BMP5: variants seen among roughly 807,000 people sequenced by gnomAD.
The protein encoded by BMP5 is bone morphogenetic protein 5.
A neutral mutation model predicts 46.6 loss-of-function variants in BMP5; 23 were observed. That is an observed-to-expected ratio of 0.49 (90% CI 0.35 to 0.70). The LOEUF (loss-of-function observed/expected upper bound fraction) is 0.70. Among genes scored for constraint, BMP5 ranks in the 30% least tolerant of loss-of-function variants. The pLI is 0.00. For missense variants in BMP5, 545 were observed against 565.6 expected (o/e 0.96, Z 0.37); for synonymous variants, 204 against 191.9 (o/e 1.06, Z -0.52).
intron 6 of BMP5, among the ~76,000 whole-genome samples, chr6:55,756,075 G>A (rs1417347963): frequency 6.6e-6 from 1 of 151,928 alleles, no homozygotes; most frequent in Non-Finnish European, 1.5e-5. Context: ...AAAACACATA[G>A]TTGCAGAAAG....
At chr6:55,797,790 A>G (rs983563909) in intron 2 of BMP5, among the ~76,000 whole-genome samples, 2 of 151,180 alleles carry the variant, frequency 1.3e-5, no homozygotes, top group South Asian at 4.2e-4. Flanking sequence ...CTAATTTTTT[A>G]TATTTTTAGT....
intron 2 of BMP5, among the ~76,000 whole-genome samples, chr6:55,798,489 G>A (rs1775769550): frequency 6.6e-6 from 1 of 151,984 alleles, no homozygotes; most frequent in Non-Finnish European, 1.5e-5. Flanking sequence ...ACTAAAATTT[G>A]CATTTTCTTT....
At chr6:55,836,308 G>A (rs112976875) in intron 1 of BMP5, among the ~76,000 whole-genome samples, 72 of 152,146 alleles carry the variant, frequency 4.7e-4, no homozygotes, top group African/African-American at 1.7e-3. Flanking sequence ...CAACAAAATT[G>A]TTAGCATTAA....
At position 55,766,084 on chromosome 6, in the gene BMP5, A is replaced by C. The variant is rs535992013; in HGVS notation, c.1028-5551T>G. ...TTTCATTTTTCCCCTCTGATCCTAT[A>C]TTAAATGGATCCACAAAGCCTCATT... On this transcript the variant is annotated intron_variant, in intron 4 of 6. Transcript: ENST00000370830. 3.3e-5 allele frequency among the ~76,000 whole-genome samples: 5 copies of C among 152,218 alleles called. No individual in the cohort carries two copies. The East Asian group carries it at 9.7e-4, about 30-fold the overall frequency.
At chr6:55,822,587 A>G (rs578132592) in intron 1 of BMP5, among the ~76,000 whole-genome samples, 3 of 152,252 alleles carry the variant, frequency 2.0e-5, no homozygotes, top group African/African-American at 7.2e-5. Context: ...TATATTTAAA[A>G]TTTTAACCAA....
intron 1 of BMP5, among the ~76,000 whole-genome samples, chr6:55,823,298 CA>C (rs1161626240): frequency 5.9e-5 from 9 of 151,982 alleles, no homozygotes; most frequent in African/African-American, 1.9e-4. Flanking sequence ...ATTTGATCAC[CA>C]AAAAGTATAT....
chr6:55,861,197 C>T (rs909669734), intron 1 of BMP5, among the ~76,000 whole-genome samples: 1 of 152,168 alleles, frequency 6.6e-6, no homozygotes, highest in African/African-American at 2.4e-5. Flanking sequence ...GTTCCTGCAG[C>T]CCAAACTTCC....
chr6:55,791,144 A>G (rs1305310469), intron 3 of BMP5, among the ~76,000 whole-genome samples: 1 of 151,766 alleles, frequency 6.6e-6, no homozygotes, highest in Non-Finnish European at 1.5e-5. Context: ...TCTGCTCTGA[A>G]GCAATGTCAC....
Position 55,819,813 on chromosome 6 carries a change from C to T in BMP5, c.525G>A (p.Arg175=), listed in dbSNP as rs752790238. 1.4e-5 allele frequency: 23 copies of T among 1,613,654 alleles called. No homozygotes were observed. Among genetic ancestry groups the T allele is most frequent in the Non-Finnish European group, 1.9e-5 (22 of 1,179,912 alleles). The change falls in exon 2 of 7, where the codon AGG becomes AGA. Residue 175 remains arginine, a synonymous_variant. Transcript: ENST00000370830. ...ERDKDFSHQR[R]HYKEFRFDLT... ...GATCAAATCGAAATTCTTTGTAATG[C>T]CTTCGCTGGTGAGAAAAATCCTTGT...
chr6:55,760,587 C>T (rs567548728), intron 4 of BMP5, 54 bp from the exon 5 acceptor site: 1 of 1,477,734 alleles, frequency 6.8e-7, no homozygotes, highest in Admixed American at 1.7e-5. Flanking sequence ...TATACTAATA[C>T]TTCTTTTGTG....
chr6:55,784,063 G>A (rs1300057046), intron 3 of BMP5, among the ~76,000 whole-genome samples: 1 of 151,740 alleles, frequency 6.6e-6, no homozygotes. Context: ...TAACCATATG[G>A]CTCTCATTCA....
intron 1 of BMP5, among the ~76,000 whole-genome samples, chr6:55,829,147 G>T (rs917154994): frequency 6.6e-6 from 1 of 151,768 alleles, no homozygotes; most frequent in African/African-American, 2.4e-5. Context: ...GTTTAGGCAA[G>T]AACTGCAAGT....
chr6:55,832,292 C>A (rs963984135), intron 1 of BMP5, among the ~76,000 whole-genome samples: 2 of 152,166 alleles, frequency 1.3e-5, no homozygotes, highest in African/African-American at 4.8e-5. Context: ...TCACAATGAG[C>A]CTGCAAACTG....
intron 3 of BMP5, among the ~76,000 whole-genome samples, chr6:55,785,466 A>G (rs1775424722): frequency 6.6e-6 from 1 of 151,826 alleles, no homozygotes; most frequent in Non-Finnish European, 1.5e-5. Context: ...ACTAAAGCAT[A>G]CAGGGAAGAT....
intron 1 of BMP5, among the ~76,000 whole-genome samples, chr6:55,861,067 T>C (rs527267841): frequency 6.6e-6 from 1 of 152,288 alleles, no homozygotes; most frequent in Admixed American, 6.5e-5. Context: ...TGGGATGTTA[T>C]TAAATATTAT....
chr6:55,760,183 TA>T (rs1443111725), intron 5 of BMP5, among the ~76,000 whole-genome samples: 3 of 152,022 alleles, frequency 2.0e-5, no homozygotes, highest in African/African-American at 7.2e-5. Flanking sequence ...TTGGAATACT[TA>T]AACAACGGCA....
chr6:55,761,592 C>T (rs1291846867), intron 4 of BMP5, among the ~76,000 whole-genome samples: 4 of 152,078 alleles, frequency 2.6e-5, no homozygotes, highest in African/African-American at 7.2e-5. Context: ...CCTTTTCTCT[C>T]ACTAGTCCCT....
At chr6:55,830,650 C>G (rs1435526219) in intron 1 of BMP5, among the ~76,000 whole-genome samples, 2 of 152,016 alleles carry the variant, frequency 1.3e-5, no homozygotes, top group African/African-American at 4.8e-5. Context: ...TTTTCTGATG[C>G]TTTTGCTGTT....
chr6:55,754,925 T>G lies in BMP5; in HGVS notation c.*608A>C, dbSNP rs1408640257. On this transcript the variant is annotated 3_prime_UTR_variant, in exon 7 of 7. Transcript: ENST00000370830. ...AACATGCTCCTACAGTTACACCACT[T>G]CTGTTAAAGCAAACAGTTAAAACAA... The G allele has an allele frequency of 6.6e-6, 1 of 152,152 alleles. No individual in the cohort carries two copies. Among genetic ancestry groups the G allele is most frequent in the Non-Finnish European group, 1.5e-5 (1 of 68,078 alleles). 9.4% of individuals were successfully genotyped at this position (152,152 alleles called of 1,614,324 possible).
Sources: gnomAD v4.1 joint callset for allele counts (sites outside exome capture counted in the v4.1 genomes callset) on GRCh38, gnomAD v4.1.1 for gene constraint, MANE v1.5 for transcripts, NCBI Gene and HGNC (gene_info 2026-07-23, HGNC 2026-07-21) for gene names.